Variants in FIGLA observed in about 807,000 individuals in gnomAD.
FIGLA encodes the protein folliculogenesis specific bHLH transcription factor.
FIGLA carries 17 observed loss-of-function variants against 21.5 expected under a neutral mutation model. That is an observed-to-expected ratio of 0.79 (90% CI 0.54 to 1.19). FIGLA has a LOEUF of 1.19. Ranked by LOEUF, FIGLA falls within the 50% of genes most tolerant of loss-of-function variation. The pLI is 0.00. For synonymous variants in FIGLA, 129 were observed against 117.6 expected (o/e 1.10, Z -0.63); for missense variants, 282 against 285.0 (o/e 0.99, Z 0.08).
chr2:70,779,674 C>T (rs2104596223), intron 3 of FIGLA, among the ~76,000 whole-genome samples: 1 of 152,272 alleles, frequency 6.6e-6, no homozygotes, highest in Non-Finnish European at 1.5e-5. Context: ...GAAATATATA[C>T]TGGCAGCATA....
At chr2:70,784,024 A>T (rs1675902283) in intron 3 of FIGLA, among the ~76,000 whole-genome samples, 1 of 152,076 alleles carries the variant, frequency 6.6e-6, no homozygotes, top group Non-Finnish European at 1.5e-5. Flanking sequence ...TAGTCATTCC[A>T]TGTCAGCTCA....
chr2:70,780,170 C>A (rs1444916088), intron 3 of FIGLA, among the ~76,000 whole-genome samples: 1 of 152,172 alleles, frequency 6.6e-6, no homozygotes, highest in Non-Finnish European at 1.5e-5. Context: ...TTCTCATGCA[C>A]TTCATTTGGG....
At chr2:70,782,140 T>C (rs544877862) in intron 3 of FIGLA, among the ~76,000 whole-genome samples, 1 of 152,102 alleles carries the variant, frequency 6.6e-6, no homozygotes, top group Non-Finnish European at 1.5e-5. Flanking sequence ...TCAAAGCACC[T>C]CCTCACAAAA....
chr2:70,788,569 C>T (rs782656454), intron 1 of FIGLA, among the ~76,000 whole-genome samples: 1 of 152,142 alleles, frequency 6.6e-6, no homozygotes, highest in Non-Finnish European at 1.5e-5. Context: ...CCCACTATGC[C>T]ACAAAGCCAA....
At chr2:70,779,003 G>A (rs1553388750) in intron 3 of FIGLA, among the ~76,000 whole-genome samples, 1 of 152,108 alleles carries the variant, frequency 6.6e-6, no homozygotes, top group African/African-American at 2.4e-5. Flanking sequence ...GAAAAGCAAG[G>A]CTCTTTCCAA....
Position 70,787,798 on chromosome 2 carries a change from T to C in FIGLA, c.235A>G (p.Lys79Glu), listed in dbSNP as rs1396162145. ...VANAKERERI[K>E]NLNRGFARLK... The stretch of plus-strand genomic sequence containing the variant: ...CTGGCAAAACCACGGTTGAGATTTT[T>C]TATCTAGAAAACAAAAAGGCACAGT... The change falls in exon 2 of 5, where the codon AAA (lysine) becomes GAA (glutamate). Residue 79 changes from lysine (K) to glutamate (E), a missense_variant. Transcript: ENST00000332372. 2 of 1,611,754 alleles carry C rather than the reference T, an allele frequency of 1.2e-6. No individual in the cohort carries two copies. Among genetic ancestry groups the C allele is most frequent in the Non-Finnish European group, 1.7e-6 (2 of 1,179,434 alleles).
Position 70,785,213 on chromosome 2 carries a change from T to G in FIGLA, c.609+202A>C, listed in dbSNP as rs72903893. 0.023 allele frequency among the ~76,000 whole-genome samples: 3,544 copies of G among 152,224 alleles called. 121 individuals are homozygous for G. Among genetic ancestry groups the G allele is most frequent in the African/African-American group, 0.081 (3,366 of 41,536 alleles). On this transcript the variant is annotated intron_variant, in intron 3 of 4. Coordinates refer to ENST00000332372, the MANE Select transcript of FIGLA (RefSeq NM_001004311.3). Reference sequence around the variant, plus strand: ...CTGTATTGGGTGGTTCTGGAGGAGTTTCCCCTTCCCTGGAGCCGCTTACCA... The same window carrying G: ...CTGTATTGGGTGGTTCTGGAGGAGTGTCCCCTTCCCTGGAGCCGCTTACCA...
At chr2:70,786,228 C>CT (rs34626238) in intron 2 of FIGLA, among the ~76,000 whole-genome samples, 71 of 95,660 alleles carry the variant, frequency 7.4e-4, no homozygotes, top group Admixed American at 1.8e-3. Context: ...ACTTTTCTGC[C>CT]TTTTTTTTTT....
intron 2 of FIGLA, among the ~76,000 whole-genome samples, chr2:70,786,593 C>A (rs1553390082): frequency 6.6e-6 from 1 of 152,116 alleles, no homozygotes; most frequent in African/African-American, 2.4e-5. Flanking sequence ...CGTGAGCCAC[C>A]GCGCCTGGCA....
intron 2 of FIGLA, among the ~76,000 whole-genome samples, chr2:70,787,308 GA>G (rs1414188162): frequency 1.3e-5 from 2 of 152,132 alleles, no homozygotes; most frequent in African/African-American, 4.8e-5. Flanking sequence ...GTGCTTTTAG[GA>G]AAGCCCCCTC....
At position 70,777,364 on chromosome 2, in the gene FIGLA, T is replaced by G; in HGVS notation, c.*3A>C. ...AGAAGGTAACCCTGGGCCTTTTCAT[T>G]TTTCATACTTGTGGAAGTCTGAAAC... On this transcript the variant is annotated 3_prime_UTR_variant, in exon 5 of 5. Transcript: ENST00000332372. The G allele has an allele frequency of 6.7e-7, 1 of 1,498,734 alleles. No individual in the cohort carries two copies. The allele number at this position is 1,498,734 out of a possible 1,614,324, so 92.8% of individuals were successfully genotyped here.
Position 70,777,665 on chromosome 2 carries a change from A to C in FIGLA, c.616T>G (p.Phe206Val), listed in dbSNP as rs372866058. The C allele has an allele frequency of 1.9e-5, 28 of 1,476,090 alleles. No individual in the cohort carries two copies. The highest frequency in any genetic ancestry group is 4.2e-5 in the African/African-American group (3 of 72,178). The allele number at this position is 1,476,090 out of a possible 1,614,324, so 91.4% of individuals were successfully genotyped here. ...TGACTCAGCAGTTCTACTTCTGGGA[A>C]TCTATCCTGCAAAAACAATACAAAA... ...IISPTRSLDR[F>V]PEVELLSHRL... Residue 206 changes from phenylalanine to valine, a missense_variant, in exon 4 of 5, where the codon TTC becomes GTC. Coordinates refer to ENST00000332372, the MANE Select transcript of FIGLA (RefSeq NM_001004311.3).
chr2:70,786,773 C>T (rs1304662770), intron 2 of FIGLA, among the ~76,000 whole-genome samples: 1 of 152,158 alleles, frequency 6.6e-6, no homozygotes, highest in African/African-American at 2.4e-5. Context: ...TGGCCTTCTT[C>T]AGCCTCTCTG....
At chr2:70,786,220 T>G (rs550892224) in intron 2 of FIGLA, among the ~76,000 whole-genome samples, 9 of 137,088 alleles carry the variant, frequency 6.6e-5, no homozygotes, top group Non-Finnish European at 6.2e-5. Context: ...ATCTAACAAC[T>G]TTTCTGCCTT....
At chr2:70,787,323 T>C (rs1675974749) in intron 2 of FIGLA, among the ~76,000 whole-genome samples, 1 of 152,190 alleles carries the variant, frequency 6.6e-6, no homozygotes, top group Admixed American at 6.5e-5. Flanking sequence ...CCCCCTCCTA[T>C]GTCCAGCTGT....
intron 3 of FIGLA, among the ~76,000 whole-genome samples, chr2:70,785,035 C>T (rs1248064830): frequency 6.6e-6 from 1 of 150,526 alleles, no homozygotes; most frequent in Non-Finnish European, 1.5e-5. Context: ...GTCCAGAAAA[C>T]CTTTTGATGG....
Position 70,785,475 on chromosome 2 carries a change from T to G in FIGLA, c.549A>C (p.Ala183=). 6.2e-7 allele frequency: 1 copy of G among 1,614,044 alleles called. No homozygotes were observed. Among genetic ancestry groups the G allele is most frequent in the Non-Finnish European group, 8.5e-7 (1 of 1,179,898 alleles). ...ACATCACACTGTGGCGACAAGCGTG[T>G]GCTGGCTCACCACTGCCACCATCTG... The part of the protein sequence containing the change: ...PWADGGSGEP[A]HACRHSVMST... The change falls in exon 3 of 5, where the codon GCA becomes GCC. Residue 183 remains alanine, a synonymous_variant. Transcript: ENST00000332372.
chr2:70,786,520 G>A (rs1675960195), intron 2 of FIGLA, among the ~76,000 whole-genome samples: 2 of 152,106 alleles, frequency 1.3e-5, no homozygotes, highest in African/African-American at 4.8e-5. Context: ...TAGCCAGGAT[G>A]GTCTCGATCT....
chr2:70,777,488 T>A (rs568791662), intron 4 of FIGLA, 106 bp from the exon 5 acceptor site: 3 of 1,359,472 alleles, frequency 2.2e-6, no homozygotes, highest in Non-Finnish European at 3.0e-6. Context: ...ATCAAAGATG[T>A]TTAAATTTAA....
Sources: allele counts gnomAD v4.1 joint callset (sites outside exome capture counted in the v4.1 genomes callset), GRCh38; gene constraint gnomAD v4.1.1; transcripts MANE v1.5; gene names NCBI Gene and HGNC (gene_info 2026-07-23, HGNC 2026-07-21).